The following POT1 variants were observed in gnomAD, a reference collection of about 807,000 sequenced individuals.
POT1 encodes the protein protection of telomeres 1.
POT1 carries 47 observed loss-of-function variants against 78.5 expected under a neutral mutation model. The ratio of observed to expected loss-of-function variants is 0.60; its 90% CI spans 0.47 to 0.76. The LOEUF is 0.76. Ranked by LOEUF, POT1 falls within the 30% of genes least tolerant of loss-of-function variation. POT1 has a pLI of 0.00. For synonymous variants in POT1, 259 were observed against 260.7 expected (o/e 0.99, Z 0.06); for missense variants, 646 against 749.9 (o/e 0.86, Z 1.62).
At chr7:124,848,935 G>C (rs974371017) in intron 11 of POT1, among the ~76,000 whole-genome samples, 1 of 152,056 alleles carries the variant, frequency 6.6e-6, no homozygotes, top group Non-Finnish European at 1.5e-5. Flanking sequence ...TAACAAGAAA[G>C]CAAAAGTAGT....
At position 124,840,659 on chromosome 7, in the gene POT1, G is replaced by A. The variant is rs192455778; in HGVS notation, c.1369+314C>T. 21 of 186,576 alleles carry A rather than the reference G, an allele frequency of 1.1e-4. No individual in the cohort carries two copies. The East Asian group carries it at 3.0e-3, about 27-fold the overall frequency. The allele number at this position is 186,576 out of a possible 1,614,324, so 11.6% of individuals were successfully genotyped here. A position where few individuals can be genotyped will look rare whatever the true frequency, so the allele number is the denominator to read the frequency against. Reference sequence around the variant, plus strand: ...CCAAGAAAACAGCAATGGTACATAAGCAATCAGCCTCTTTTATTATTACTT... The same window carrying A: ...CCAAGAAAACAGCAATGGTACATAAACAATCAGCCTCTTTTATTATTACTT... On this transcript the variant is annotated intron_variant, in intron 14 of 18. Coordinates refer to ENST00000357628, the MANE Select transcript of POT1 (RefSeq NM_015450.3).
At chr7:124,840,783 A>T in intron 14 of POT1, 190 bp downstream of exon 14, 1 of 430,396 alleles carries the variant, frequency 2.3e-6, no homozygotes, top group Non-Finnish European at 4.1e-6. Context: ...AAATGTAATT[A>T]AGATAAATTT....
intron 11 of POT1, among the ~76,000 whole-genome samples, chr7:124,847,642 A>G (rs1220088222): frequency 6.6e-6 from 1 of 152,270 alleles, no homozygotes; most frequent in Non-Finnish European, 1.5e-5. Flanking sequence ...CATGACTTCA[A>G]GACTTACTAT....
At chr7:124,887,838 G>C (rs1334617478) in intron 6 of POT1, among the ~76,000 whole-genome samples, 1 of 152,164 alleles carries the variant, frequency 6.6e-6, no homozygotes, top group East Asian at 1.9e-4. Flanking sequence ...TTAAACACAG[G>C]TGAAGTGTGT....
intron 11 of POT1, among the ~76,000 whole-genome samples, chr7:124,851,510 T>C (rs1795305265): frequency 6.7e-6 from 1 of 149,044 alleles, no homozygotes; most frequent in Non-Finnish European, 1.5e-5. Context: ...AACATAACTA[T>C]GAGCAAAAAG....
chr7:124,868,348 C>A (rs1365392781), intron 7 of POT1, among the ~76,000 whole-genome samples: 1 of 152,068 alleles, frequency 6.6e-6, no homozygotes, highest in African/African-American at 2.4e-5. Flanking sequence ...TAAATCTATA[C>A]AGGAGCCTCA....
intron 3 of POT1, among the ~76,000 whole-genome samples, chr7:124,907,495 C>G (rs1345846185): frequency 1.3e-5 from 2 of 151,872 alleles, no homozygotes; most frequent in Non-Finnish European, 2.9e-5. Context: ...TGGAGGTTGC[C>G]AGAAGTTAGG....
At chr7:124,927,627 A>AC (rs1797307571) in intron 2 of POT1, among the ~76,000 whole-genome samples, 1 of 152,166 alleles carries the variant, frequency 6.6e-6, no homozygotes, top group African/African-American at 2.4e-5. Context: ...GACTCCTTCA[A>AC]CATGGTTCTC....
intron 5 of POT1, among the ~76,000 whole-genome samples, chr7:124,893,516 A>G (rs1261512059): frequency 6.6e-6 from 1 of 151,632 alleles, no homozygotes. Context: ...AGATAAGAAA[A>G]GAAACAACTT....
chr7:124,872,170 G>T (rs2116571303), intron 6 of POT1, among the ~76,000 whole-genome samples: 1 of 152,170 alleles, frequency 6.6e-6, no homozygotes, highest in East Asian at 1.9e-4. Context: ...AATTTCCTTT[G>T]TATGTCTAAA....
At chr7:124,868,340 A>T (rs1007005506) in intron 7 of POT1, among the ~76,000 whole-genome samples, 1 of 152,150 alleles carries the variant, frequency 6.6e-6, no homozygotes, top group African/African-American at 2.4e-5. Flanking sequence ...AGTAATGCTA[A>T]ATCTATACAG....
chr7:124,902,195 G>C (rs1259291461), intron 3 of POT1, among the ~76,000 whole-genome samples: 1 of 152,040 alleles, frequency 6.6e-6, no homozygotes, highest in Non-Finnish European at 1.5e-5. Context: ...GATGCTCCTC[G>C]AGAAGAGCAA....
intron 3 of POT1, among the ~76,000 whole-genome samples, chr7:124,901,560 C>T (rs543978684): frequency 5.9e-5 from 9 of 152,164 alleles, no homozygotes; most frequent in Non-Finnish European, 1.3e-4. Flanking sequence ...GATAAAACCA[C>T]AAAGGTCAGG....
At chr7:124,856,445 CATTTTCTTA>C (rs113424657) in intron 9 of POT1, among the ~76,000 whole-genome samples, 6,500 of 152,182 alleles carry the variant, frequency 0.043, 337 homozygotes, top group African/African-American at 0.12. Flanking sequence ...CAGTGCCATA[CATTTTCTTA>C]ATTATGTGTG....
intron 11 of POT1, among the ~76,000 whole-genome samples, chr7:124,850,698 C>T (rs1161314919): frequency 2.6e-5 from 4 of 151,792 alleles, no homozygotes; most frequent in Admixed American, 1.3e-4. Context: ...GCTAGCCACA[C>T]TCCAGCCTGG....
chr7:124,832,479 T>C (rs1237495811), intron 15 of POT1, among the ~76,000 whole-genome samples: 2 of 151,680 alleles, frequency 1.3e-5, no homozygotes, highest in Non-Finnish European at 2.9e-5. Context: ...AAATCTGGAG[T>C]GTGAACAGCA....
intron 14 of POT1, among the ~76,000 whole-genome samples, chr7:124,839,904 T>C (rs947608899): frequency 2.6e-5 from 4 of 152,068 alleles, no homozygotes; most frequent in East Asian, 1.9e-4. Context: ...GTCCACACTT[T>C]ACATTACTAA....
intron 2 of POT1, among the ~76,000 whole-genome samples, chr7:124,925,500 C>T (rs1449402872): frequency 1.3e-5 from 2 of 151,940 alleles, no homozygotes; most frequent in Non-Finnish European, 2.9e-5. Flanking sequence ...GCTCGTGGAT[C>T]AGAAGAATTA....
intron 2 of POT1, among the ~76,000 whole-genome samples, chr7:124,922,507 A>G (rs1033427296): frequency 3.3e-5 from 5 of 152,026 alleles, no homozygotes; most frequent in Admixed American, 6.6e-5. Context: ...TAAGATTCTT[A>G]TATTTGTCAA....
Sources: gnomAD v4.1 joint callset for allele counts (sites outside exome capture counted in the v4.1 genomes callset) on GRCh38, gnomAD v4.1.1 for gene constraint, MANE v1.5 for transcripts, NCBI Gene and HGNC (gene_info 2026-07-23, HGNC 2026-07-21) for gene names.